MYO18A: variants seen among roughly 807,000 people sequenced by gnomAD.
The protein encoded by MYO18A is myosin XVIIIA.
MYO18A carries 78 observed loss-of-function variants against 235.8 expected under a neutral mutation model. That is an observed-to-expected ratio of 0.33 (90% CI 0.28 to 0.40). MYO18A has a LOEUF of 0.40. MYO18A is among the 10% of genes least tolerant of loss of function. The pLI, the probability that MYO18A is intolerant of heterozygous loss-of-function variation, is 1.00. For missense variants in MYO18A, 2,215 were observed against 2,699.3 expected, an observed-to-expected ratio of 0.82 and a Z score of 3.98; for synonymous variants, 977 against 1,077.8, an observed-to-expected ratio of 0.91 and a Z score of 1.83.
chr17:29,127,644 G>A (rs577111067), intron 2 of MYO18A, among the ~76,000 whole-genome samples: 32 of 152,330 alleles, frequency 2.1e-4, no homozygotes, highest in African/African-American at 3.6e-4. Flanking sequence ...CATCCCAGCC[G>A]CCAGGCCAGA....
chr17:29,179,663 A>G (rs1248674573), intron 1 of MYO18A, among the ~76,000 whole-genome samples: 2 of 152,156 alleles, frequency 1.3e-5, no homozygotes, highest in African/African-American at 4.8e-5. Context: ...CTCAGGGCAC[A>G]GCCTGCACTC....
intron 2 of MYO18A, among the ~76,000 whole-genome samples, chr17:29,152,225 C>A (rs1407494876): frequency 6.6e-6 from 1 of 152,152 alleles, no homozygotes; most frequent in Non-Finnish European, 1.5e-5. Flanking sequence ...TGCCTCAATT[C>A]CTGCTTAGTC....
intron 40 of MYO18A, among the ~76,000 whole-genome samples, chr17:29,083,506 C>A (rs1312570907): frequency 3.9e-5 from 3 of 75,952 alleles, no homozygotes; most frequent in Non-Finnish European, 7.3e-5. Context: ...AAATAAACAG[C>A]CACACAGGCA....
At chr17:29,178,644 A>G (rs972444295) in intron 1 of MYO18A, among the ~76,000 whole-genome samples, 3 of 152,204 alleles carry the variant, frequency 2.0e-5, no homozygotes, top group Admixed American at 1.3e-4. Context: ...GTGGGAAGCC[A>G]TGGACAAAGA....
rs546609474 is a variant in MYO18A at position 29,121,420 on chromosome 17, G to T, written c.1371+127C>A. On this transcript the variant is annotated intron_variant, in intron 5 of 41. Coordinates refer to ENST00000527372, the MANE Select transcript of MYO18A (RefSeq NM_078471.4). This position sits in a 1 kb window ranked among gnomAD's most constrained non-coding sequence, Gnocchi z 4.2. The stretch of plus-strand genomic sequence containing the variant: ...GGTCCTGTCCCCCATCTCTTGAAAT[G>T]ACTCCTCTTCCCAAGGTCAACTGTG... 568 of 1,156,082 alleles carry T rather than the reference G, an allele frequency of 4.9e-4. 2 individuals carry two copies. Among genetic ancestry groups the T allele is most frequent in the South Asian group, 3.2e-3 (201 of 62,490 alleles). 71.6% of individuals were successfully genotyped at this position (1,156,082 alleles called of 1,614,324 possible).
Position 29,111,715 on chromosome 17 carries a change from CACCT to C in MYO18A, c.2740+3_2740+6del, listed in dbSNP as rs1317385907. The C allele has an allele frequency of 6.2e-7, 1 of 1,613,250 alleles. No homozygotes were observed. The highest frequency in any genetic ancestry group is 1.3e-5 in the African/African-American group (1 of 74,884). On this transcript the variant is annotated splice_donor_5th_base_variant and intron_variant, in intron 16 of 41. Transcript: ENST00000527372. The surrounding 1 kb of genome is among the most constrained non-coding windows in gnomAD (Gnocchi z 5.1). ...CAGAGGAGCTACCCTCTAGGGATGC[CACCT>C]ACCTTTTTTGTCACCTTCCTGGGGG...
rs2067371179 is a variant in MYO18A at position 29,128,176 on chromosome 17, C to G, written c.1000-5923G>C. The G allele has an allele frequency of 2.2e-5, 25 of 1,138,496 alleles. 1 individual carries two copies. The South Asian group carries it at 4.2e-4, about 19-fold the overall frequency. 70.5% of individuals were successfully genotyped at this position (1,138,496 alleles called of 1,614,324 possible). On this transcript the variant is annotated intron_variant, in intron 2 of 41. Coordinates refer to ENST00000527372, the MANE Select transcript of MYO18A (RefSeq NM_078471.4). The stretch of plus-strand genomic sequence containing the variant: ...TGGCTGCCTCCTTCTTCACTTCAGG[C>G]TTAGGCGGAGCAGGGGGAGGTGGGG...
At chr17:29,154,747 A>G (rs1598385417) in intron 2 of MYO18A, among the ~76,000 whole-genome samples, 1 of 152,180 alleles carries the variant, frequency 6.6e-6, no homozygotes, top group African/African-American at 2.4e-5. Flanking sequence ...TGCCAGGCAC[A>G]CTAGCTCCCA....
rs757507640 is a variant in MYO18A, at chr17:29,115,697, C to T, written c.2194G>A (p.Gly732Ser). 2 of 1,606,530 alleles carry T rather than the reference C, an allele frequency of 1.2e-6. No homozygotes were observed. Among genetic ancestry groups the T allele is most frequent in the East Asian group, 4.5e-5 (2 of 44,694 alleles). ...TCTCCCAGGCCACTCTCCTCGGGGC[C>T]CTGGCGGAAGGAGGTGGAGCGCTGC... is the stretch of plus-strand genomic sequence containing the variant. ...TLQRSTSFRQGPEESGLGDGT... is the reference protein window; with the variant it reads ...TLQRSTSFRQSPEESGLGDGT... The change falls in exon 12 of 42, where the codon GGC (glycine) becomes AGC (serine). Residue 732 changes from glycine (G) to serine (S), a missense_variant. By Grantham distance (56) the Gly-to-Ser change is moderately conservative. Transcript: ENST00000527372.
At chr17:29,102,191 CAGA>C (rs1262353218) in intron 21 of MYO18A, among the ~76,000 whole-genome samples, 1 of 152,234 alleles carries the variant, frequency 6.6e-6, no homozygotes, top group Non-Finnish European at 1.5e-5. Context: ...CTCAGGATGA[CAGA>C]AGGTCTGAGA....
At chr17:29,085,478 T>A (rs2066229969) in intron 40 of MYO18A, 126 bp downstream of exon 40, 2 of 800,500 alleles carry the variant, frequency 2.5e-6, no homozygotes, top group Admixed American at 2.1e-5. Context: ...TAGAGACCAG[T>A]GAGGCGGGAG....
chr17:29,146,529 G>A (rs1358979923), intron 2 of MYO18A, among the ~76,000 whole-genome samples: 1 of 152,104 alleles, frequency 6.6e-6, no homozygotes, highest in African/African-American at 2.4e-5. Context: ...ACTTCGCCCT[G>A]GCCAATAAGA....
intron 2 of MYO18A, among the ~76,000 whole-genome samples, chr17:29,161,538 A>T (rs1458751876): frequency 6.7e-6 from 1 of 150,168 alleles, no homozygotes; most frequent in Non-Finnish European, 1.5e-5. Flanking sequence ...AATGCTCAGG[A>T]GGCCTTGCTT....
intron 2 of MYO18A, among the ~76,000 whole-genome samples, chr17:29,138,503 G>A (rs1014910706): frequency 9.2e-5 from 14 of 152,160 alleles, no homozygotes; most frequent in East Asian, 7.7e-4. Flanking sequence ...GATTGAGGGC[G>A]AGGAAGGGTG....
chr17:29,115,824 A>G lies in MYO18A; in HGVS notation c.2067T>C (p.Phe689=). Residue 689 remains phenylalanine, a synonymous_variant, in exon 12 of 42, where the codon TTT becomes TTC. Coordinates refer to ENST00000527372, the MANE Select transcript of MYO18A (RefSeq NM_078471.4). The part of the protein sequence containing the change: ...KEAAEAGRKQ[F]ARHEWAQKAA... ...CCTTCTGGGCCCACTCATGGCGGGC[A>G]AACTGCTTGCGCCCAGCTGTGGAGT... 1 of 1,581,736 alleles carries G rather than the reference A, an allele frequency of 6.3e-7. No individual in the cohort carries two copies. The highest frequency in any genetic ancestry group is 8.6e-7 in the Non-Finnish European group (1 of 1,163,776).
At position 29,094,942 on chromosome 17, in the gene MYO18A, T is replaced by C. The variant is rs774641609; in HGVS notation, c.4503A>G (p.Gln1501=). Residue 1501 remains glutamine (Q), a synonymous_variant, in exon 29 of 42, where the codon CAA becomes CAG. Coordinates refer to ENST00000527372, the MANE Select transcript of MYO18A (RefSeq NM_078471.4). ...LLAEAFSLKQ[Q]LEEKDMDIAG... ...GGTGGGTGGCCCTACCCACCTCTAG[T>C]TGCTGCTTCAGGCTGAAAGCCTCAG... The C allele has an allele frequency of 1.9e-5, 31 of 1,610,286 alleles. No homozygotes were observed. The South Asian group carries it at 3.4e-4, about 18-fold the overall frequency.
chr17:29,122,118 T>G (rs1308126775), intron 3 of MYO18A, 48 bp downstream of exon 3: 1 of 1,584,590 alleles, frequency 6.3e-7, no homozygotes, highest in Non-Finnish European at 8.6e-7. Context: ...TGCCCAGCCC[T>G]GAGACCAGTG....
Position 29,090,631 on chromosome 17 carries a change from G to C in MYO18A, c.5305-16C>G. 5 of 1,594,292 alleles carry C rather than the reference G, an allele frequency of 3.1e-6. No individual in the cohort carries two copies. Among genetic ancestry groups the C allele is most frequent in the Non-Finnish European group, 3.4e-6 (4 of 1,169,694 alleles). ...CCCGGGAAGCCTGGGAAAGGAATGAGAGCATCAGAAGCAGGATCCCCCATA... is the reference window on the plus strand; with the variant it reads ...CCCGGGAAGCCTGGGAAAGGAATGACAGCATCAGAAGCAGGATCCCCCATA... On this transcript the variant is annotated splice_polypyrimidine_tract_variant and intron_variant, in intron 35 of 41. Coordinates refer to ENST00000527372, the MANE Select transcript of MYO18A (RefSeq NM_078471.4).
intron 13 of MYO18A, 40 bp from the exon 14 acceptor site, chr17:29,115,139 C>A: frequency 1.3e-6 from 2 of 1,569,912 alleles, no homozygotes; most frequent in Admixed American, 1.8e-5. Context: ...CGCTGGTTGG[C>A]CCCGGGCACC....
Sources: allele counts gnomAD v4.1 joint callset (sites outside exome capture counted in the v4.1 genomes callset), GRCh38; gene constraint gnomAD v4.1.1; non-coding constraint Gnocchi (gnomAD v3.1); transcripts MANE v1.5; gene names NCBI Gene and HGNC (gene_info 2026-07-23, HGNC 2026-07-21).